The following MIER2 variants were observed in gnomAD, a reference collection of about 807,000 sequenced individuals.
MIER2 encodes mesoderm induction early response protein 2.
In MIER2, 30 loss-of-function variants were observed where a neutral mutation model predicts 67.6. The observed-to-expected ratio is 0.44, with a 90% CI of 0.33 to 0.60. MIER2 has a LOEUF of 0.60. Ranked by LOEUF, MIER2 falls within the 20% of genes least tolerant of loss-of-function variation. MIER2 has a pLI of 0.02. For missense variants in MIER2, 702 were observed against 745.1 expected, an observed-to-expected ratio of 0.94 and a Z score of 0.67; for synonymous variants, 372 against 312.6, an observed-to-expected ratio of 1.19 and a Z score of -2.00.
In MIER2 at chr19:326,603, G is replaced by A. The variant is rs746943920; in HGVS notation, c.494-5C>T. Reference sequence around the variant, plus strand: ...CTTCATCAGCCAGGAAACGAGCTTTGGGAAAACAGAGGCAGGTCCCCCAGG... The same window carrying A: ...CTTCATCAGCCAGGAAACGAGCTTTAGGAAAACAGAGGCAGGTCCCCCAGG... On this transcript the variant is annotated splice_region_variant and splice_polypyrimidine_tract_variant and intron_variant, in intron 5 of 13. Transcript: ENST00000264819. 1.2e-6 allele frequency: 2 copies of A among 1,613,768 alleles called. No homozygotes were observed. The highest frequency in any genetic ancestry group is 1.7e-6 in the Non-Finnish European group (2 of 1,179,694).
intron 1 of MIER2, among the ~76,000 whole-genome samples, chr19:337,248 G>T (rs559034745): frequency 6.6e-6 from 1 of 152,110 alleles, no homozygotes; most frequent in Non-Finnish European, 1.5e-5. Flanking sequence ...AAGATTTACC[G>T]CAGGGATGCA....
At chr19:317,595 T>C (rs1414368042) in intron 7 of MIER2, among the ~76,000 whole-genome samples, 1 of 149,134 alleles carries the variant, frequency 6.7e-6, no homozygotes, top group Non-Finnish European at 1.5e-5. Context: ...CCAGGCATGG[T>C]GGCGGATGCG....
chr19:319,236 C>A (rs1331226309), intron 7 of MIER2, among the ~76,000 whole-genome samples: 1 of 151,810 alleles, frequency 6.6e-6, no homozygotes, highest in Admixed American at 6.6e-5. Flanking sequence ...GTGGCGGGCG[C>A]CTGTAGTCCC....
At position 326,435 on chromosome 19, in the gene MIER2, G is replaced by A. The variant is rs1358980117; in HGVS notation, c.585+72C>T. On this transcript the variant is annotated intron_variant, in intron 6 of 13. Coordinates refer to ENST00000264819, the MANE Select transcript of MIER2 (RefSeq NM_017550.3). Reference sequence around the variant, plus strand: ...CTGGGGAGACGGCAGAGCCACGGTCGGGATGCCAGGTTGGGGAGACGGCAG... The same window carrying A: ...CTGGGGAGACGGCAGAGCCACGGTCAGGATGCCAGGTTGGGGAGACGGCAG... The A allele has an allele frequency of 2.7e-5, 37 of 1,387,348 alleles. 1 individual carries two copies. Among genetic ancestry groups the A allele is most frequent in the Admixed American group, 2.5e-4 (15 of 59,038 alleles). The allele number at this position is 1,387,348 out of a possible 1,614,324, so 85.9% of individuals were successfully genotyped here. A position where few individuals can be genotyped will look rare whatever the true frequency, so the allele number is the denominator to read the frequency against.
At chr19:319,699 C>T (rs977721855) in intron 7 of MIER2, among the ~76,000 whole-genome samples, 5 of 152,098 alleles carry the variant, frequency 3.3e-5, no homozygotes, top group East Asian at 1.9e-4. Context: ...CCTCGTGATC[C>T]GCCCACCCCA....
At position 313,594 on chromosome 19, in the gene MIER2, C is replaced by G; in HGVS notation, c.705G>C (p.Glu235Asp). Residue 235 changes from glutamate to aspartate, a missense_variant, in exon 8 of 14, where the codon GAG (glutamate) becomes GAC (aspartate). Transcript: ENST00000264819. ...QLLWDPSVLP[E>D]REVEEFLYRA... The stretch of plus-strand genomic sequence containing the variant: ...TGTACAGGAACTCCTCCACCTCCCT[C>G]TCAGGGAGGACGCTGGGGTCCCAGA... 1 of 1,613,332 alleles carries G rather than the reference C, an allele frequency of 6.2e-7. No individual in the cohort carries two copies. The highest frequency in any genetic ancestry group is 8.5e-7 in the Non-Finnish European group (1 of 1,179,942).
chr19:308,810 G>A lies in MIER2; in HGVS notation c.1100C>T (p.Ser367Phe). ...TRLGRRKYVP[S>F]GTTDADQDLD... is the part of the protein sequence containing the mutation. ...GGAGGGCTGCACGCACGTGGTTCCG[G>A]ACGGGACGTACTTCCTCCGGCCCAG... Residue 367 changes from serine (S) to phenylalanine (F), a missense_variant, in exon 11 of 14, where the codon TCC (serine) becomes TTC (phenylalanine). Ser to Phe is a radical substitution (Grantham distance 155, BLOSUM62 -2). Around this residue, in one of 3 missense-constraint regions of MIER2, gnomAD observed 254 missense variants for 262.8 expected, o/e 0.97. Coordinates refer to ENST00000264819, the MANE Select transcript of MIER2 (RefSeq NM_017550.3). The surrounding 1 kb of genome is among the most constrained non-coding windows in gnomAD (Gnocchi z 9.1). 6.2e-7 allele frequency: 1 copy of A among 1,605,870 alleles called. No homozygotes were observed. Among genetic ancestry groups the A allele is most frequent in the Non-Finnish European group, 8.5e-7 (1 of 1,173,934 alleles).
intron 1 of MIER2, among the ~76,000 whole-genome samples, chr19:340,146 T>TA (rs1343271341): frequency 6.6e-6 from 1 of 152,168 alleles, no homozygotes; most frequent in African/African-American, 2.4e-5. Context: ...CTCAAAGAGA[T>TA]AGAGTCAGTT....
rs865961058 is a variant in MIER2 at position 312,106 on chromosome 19, C to A, written c.889+85G>T. On this transcript the variant is annotated intron_variant, in intron 9 of 13. Coordinates refer to ENST00000264819, the MANE Select transcript of MIER2 (RefSeq NM_017550.3). ...AGCGGCGCCCAGGGCGGGGCCGCAGCGGAAGGAAGGCCCAGGCCGGGGAGA... is the reference window on the plus strand; with the variant it reads ...AGCGGCGCCCAGGGCGGGGCCGCAGAGGAAGGAAGGCCCAGGCCGGGGAGA... The A allele has an allele frequency of 7.7e-6, 9 of 1,174,492 alleles. No individual in the cohort carries two copies. In the Admixed American group the frequency reaches 1.7e-4, roughly 22 times the overall value. 72.8% of individuals were successfully genotyped at this position (1,174,492 alleles called of 1,614,324 possible).
chr19:327,064 T>C, intron 5 of MIER2, 69 bp downstream of exon 5: 1 of 1,529,776 alleles, frequency 6.5e-7, no homozygotes, highest in Non-Finnish European at 8.7e-7. Context: ...CCAAGGACCC[T>C]TCATCAAGCA....
At chr19:311,527 C>T (rs1970999120) in intron 10 of MIER2, among the ~76,000 whole-genome samples, 1 of 152,194 alleles carries the variant, frequency 6.6e-6, no homozygotes, top group Admixed American at 6.5e-5. Context: ...AGCCAGCAGG[C>T]TCTGCTCAGA....
rs1263198499 is a variant in MIER2, at chr19:312,188, C to T, written c.889+3G>A. ...CGGAAGGAAGGCCCAGACCGCTGCT[C>T]ACCTCGGATCACCTTCACGTTGAAC... On this transcript the variant is annotated splice_donor_region_variant and intron_variant, in intron 9 of 13. Transcript: ENST00000264819. 3 of 1,613,480 alleles carry T rather than the reference C, an allele frequency of 1.9e-6. No individual in the cohort carries two copies. Among genetic ancestry groups the T allele is most frequent in the African/African-American group, 2.7e-5 (2 of 74,898 alleles).
intron 1 of MIER2, among the ~76,000 whole-genome samples, chr19:339,669 C>T (rs559431441): frequency 1.3e-5 from 2 of 152,248 alleles, no homozygotes; most frequent in South Asian, 2.1e-4. Flanking sequence ...CACACTACCA[C>T]ATGGACGCAC....
Position 313,545 on chromosome 19 carries a change from C to T in MIER2, c.754G>A (p.Glu252Lys), listed in dbSNP as rs746644862. ...TCTGGGAGCTGAGGCCCGGCCATCT[C>T]GTGCCAACGCCGCTTCACCGCCCTG... ...LYRAVKRRWH[E>K]MAGPQLPEGE... The change falls in exon 8 of 14, where the codon GAG becomes AAG. Residue 252 changes from glutamate to lysine, a missense_variant. Glu to Lys is a moderately conservative substitution (Grantham distance 56, BLOSUM62 1). Coordinates refer to ENST00000264819, the MANE Select transcript of MIER2 (RefSeq NM_017550.3). 15 of 1,613,068 alleles carry T rather than the reference C, an allele frequency of 9.3e-6. No homozygotes were observed. Among genetic ancestry groups the T allele is most frequent in the Admixed American group, 3.3e-5 (2 of 59,984 alleles).
Position 328,107 on chromosome 19 carries a change from C to A in MIER2, c.244-118G>T, listed in dbSNP as rs1001757988. ...CAGGGCCACTCTGTCACACCCATAG[C>A]AACTCCCCACATGGCAGCACTCCCC... On this transcript the variant is annotated intron_variant, in intron 3 of 13. Coordinates refer to ENST00000264819, the MANE Select transcript of MIER2 (RefSeq NM_017550.3). The A allele has an allele frequency of 2.2e-6, 3 of 1,372,518 alleles. No individual in the cohort carries two copies. The African/African-American group carries it at 4.5e-5, about 20-fold the overall frequency. 85.0% of individuals were successfully genotyped at this position (1,372,518 alleles called of 1,614,324 possible).
At position 306,696 on chromosome 19, in the gene MIER2, G is replaced by C. The variant is rs1002948598; in HGVS notation, c.1632C>G (p.Thr544=). 1.3e-6 allele frequency: 2 copies of C among 1,560,556 alleles called. No individual in the cohort carries two copies. The highest frequency in any genetic ancestry group is 3.8e-5 in the Admixed American group (2 of 52,376). ...CGCCGCCCGCGGCCAGGAGTCAGCAGGTCATCACGTTACAGCTGCAGGGGA... is the reference window on the plus strand; with the variant it reads ...CGCCGCCCGCGGCCAGGAGTCAGCACGTCATCACGTTACAGCTGCAGGGGA... ...SEPLSHCNVM[T]C is the part of the protein sequence containing the mutation. The change falls in exon 14 of 14, where the codon ACC becomes ACG. Residue 544 remains threonine (T), a synonymous_variant. Coordinates refer to ENST00000264819, the MANE Select transcript of MIER2 (RefSeq NM_017550.3).
intron 1 of MIER2, chr19:343,746 GCA>G (rs1487460231): frequency 1.4e-6 from 1 of 729,202 alleles, no homozygotes; most frequent in Admixed American, 6.3e-5. Flanking sequence ...TAACTTCTGC[GCA>G]CAGAAGTCAT....
At chr19:336,342 A>T in intron 1 of MIER2, 169 bp from the exon 2 acceptor site, 1 of 615,674 alleles carries the variant, frequency 1.6e-6, no homozygotes, top group Non-Finnish European at 2.8e-6. Flanking sequence ...CAGCACACGC[A>T]TGTGGCCGCC....
intron 1 of MIER2, among the ~76,000 whole-genome samples, chr19:342,711 T>C (rs1451526653): frequency 6.6e-6 from 1 of 151,496 alleles, no homozygotes; most frequent in Non-Finnish European, 1.5e-5. Flanking sequence ...ACTGATCACG[T>C]GCTATAAAGT....
Sources: allele counts gnomAD v4.1 joint callset (sites outside exome capture counted in the v4.1 genomes callset), GRCh38; gene constraint gnomAD v4.1.1; regional missense constraint gnomAD v4.1.1; non-coding constraint Gnocchi (gnomAD v3.1); transcripts MANE v1.5; gene names NCBI Gene and HGNC (gene_info 2026-07-23, HGNC 2026-07-21).